STOX2: variants seen among roughly 807,000 people sequenced by gnomAD.
STOX2 encodes storkhead-box protein 2.
Under a neutral mutation model 60.9 loss-of-function variants are expected in STOX2, and 28 were observed. The observed-to-expected ratio is 0.46, with a 90% CI of 0.34 to 0.63. The LOEUF is 0.63. Ranked by LOEUF, STOX2 falls within the 30% of genes least tolerant of loss-of-function variation. STOX2 has a pLI of 0.01. For missense variants in STOX2, 1,024 were observed against 1,187.7 expected, an observed-to-expected ratio of 0.86 and a Z score of 2.03; for synonymous variants, 472 against 463.9, an observed-to-expected ratio of 1.02 and a Z score of -0.22.
rs576743146 is a variant in STOX2 at position 183,994,998 on chromosome 4, C to T, written c.167-6327C>T. ...AGGCTGGTACTTTCCAGGCTGTTTA[C>T]TGTGATGCAGTTTGCCTGGGGAAAT... is the stretch of plus-strand genomic sequence containing the variant. On this transcript the variant is annotated intron_variant, in intron 1 of 3. Transcript: ENST00000308497. 7.9e-5 allele frequency among the ~76,000 whole-genome samples: 12 copies of T among 151,978 alleles called. No homozygotes were observed. In the South Asian group the frequency reaches 2.3e-3, roughly 29 times the overall value.
At chr4:183,913,727 C>A (rs1741852490) in intron 1 of STOX2, among the ~76,000 whole-genome samples, 1 of 152,084 alleles carries the variant, frequency 6.6e-6, no homozygotes, top group South Asian at 2.1e-4. Flanking sequence ...GCTGAGATCG[C>A]CTCACTGCAC....
At chr4:183,823,454 A>G (rs1739350882) in intron 1 of STOX2, among the ~76,000 whole-genome samples, 1 of 152,246 alleles carries the variant, frequency 6.6e-6, no homozygotes, top group Non-Finnish European at 1.5e-5. Flanking sequence ...TGGAGGCAAC[A>G]GCTGGCTGTC....
chr4:183,993,960 A>T (rs567986574), intron 1 of STOX2, among the ~76,000 whole-genome samples: 147 of 152,324 alleles, frequency 9.7e-4, no homozygotes, highest in African/African-American at 3.4e-3. Flanking sequence ...ACAGCTTTTT[A>T]AAAAATACTG....
chr4:183,931,845 G>A (rs1019452365), intron 1 of STOX2, among the ~76,000 whole-genome samples: 9 of 152,226 alleles, frequency 5.9e-5, no homozygotes, highest in African/African-American at 2.2e-4. Context: ...GAATTTGCAT[G>A]CTCTTAAGAA....
At chr4:183,854,767 CAATT>C (rs961437857) in intron 1 of STOX2, among the ~76,000 whole-genome samples, 24 of 152,254 alleles carry the variant, frequency 1.6e-4, no homozygotes, top group Admixed American at 8.5e-4. Flanking sequence ...TTAAAAATGA[CAATT>C]AATGACAGAT....
chr4:183,876,642 A>G (rs1740836036), intron 1 of STOX2, among the ~76,000 whole-genome samples: 1 of 152,180 alleles, frequency 6.6e-6, no homozygotes, highest in Admixed American at 6.5e-5. Flanking sequence ...GTGCCTGCTG[A>G]GCTGTCAGTA....
At chr4:183,892,436 G>A (rs897772596) in intron 1 of STOX2, among the ~76,000 whole-genome samples, 6 of 151,922 alleles carry the variant, frequency 3.9e-5, no homozygotes, top group Admixed American at 6.5e-5. Context: ...CCGCCACCAC[G>A]CCCGGCTAAT....
At chr4:183,989,169 G>GTTTTTT (rs11421201) in intron 1 of STOX2, among the ~76,000 whole-genome samples, 3 of 80,032 alleles carry the variant, frequency 3.7e-5, no homozygotes, top group African/African-American at 5.8e-5. Flanking sequence ...ATTTTTTCTG[G>GTTTTTT]TTTTTTTTTT....
chr4:183,904,105 T>A (rs994070532), upstream of STOX2, among the ~76,000 whole-genome samples: 2 of 152,136 alleles, frequency 1.3e-5, no homozygotes, highest in Non-Finnish European at 2.9e-5. Flanking sequence ...CCAAGCATGG[T>A]TCACAATAGG....
Position 184,010,336 on chromosome 4 carries a change from C to T in STOX2, c.1498C>T (p.Pro500Ser). The change falls in exon 3 of 4, where the codon CCT becomes TCT. Residue 500 changes from proline (P) to serine (S), a missense_variant. Physicochemically the swap from Pro to Ser is moderately conservative, Grantham distance 74. This residue lies in a region of STOX2 where 922 missense variants were observed against 1,058.3 expected (regional missense o/e 0.87). Transcript: ENST00000308497. The surrounding 1 kb of genome is among the most constrained non-coding windows in gnomAD (Gnocchi z 4.5). Reference protein sequence around the residue: ...RSRSMDNSKGPLGASSLGTPE... With the variant: ...RSRSMDNSKGSLGASSLGTPE... Reference sequence around the variant, plus strand: ...CAGGTCGATGGATAACTCCAAAGGCCCTCTGGGTGCTTCTTCTCTAGGGAC... The same window carrying T: ...CAGGTCGATGGATAACTCCAAAGGCTCTCTGGGTGCTTCTTCTCTAGGGAC... 1 of 1,609,118 alleles carries T rather than the reference C, an allele frequency of 6.2e-7. No homozygotes were observed. The highest frequency in any genetic ancestry group is 8.5e-7 in the Non-Finnish European group (1 of 1,177,714).
chr4:183,906,989 C>G (rs1275705495), intron 1 of STOX2, 33 bp downstream of exon 1: 47 of 1,493,316 alleles, frequency 3.1e-5, no homozygotes, highest in Admixed American at 4.4e-5. Context: ...GCCCCCGGGC[C>G]GGGGCCGCGG....
At chr4:183,801,622 G>C (rs7654744) in intron 1 of STOX2, among the ~76,000 whole-genome samples, 1 of 151,960 alleles carries the variant, frequency 6.6e-6, no homozygotes, top group African/African-American at 2.4e-5. Context: ...TGCAGATGGA[G>C]ATGGGGGTGG....
At chr4:183,968,924 A>G (rs1390049556) in intron 1 of STOX2, among the ~76,000 whole-genome samples, 2 of 152,262 alleles carry the variant, frequency 1.3e-5, no homozygotes, top group Non-Finnish European at 2.9e-5. Context: ...TGAAAAGTAC[A>G]TATGACTTTA....
intron 1 of STOX2, among the ~76,000 whole-genome samples, chr4:183,822,720 C>G: frequency 6.6e-6 from 1 of 152,230 alleles, no homozygotes; most frequent in Non-Finnish European, 1.5e-5. Flanking sequence ...CCACTCTCCT[C>G]CTTCTGTGCA....
chr4:183,886,343 C>T (rs568865900), intron 1 of STOX2, among the ~76,000 whole-genome samples: 2 of 112,208 alleles, frequency 1.8e-5, no homozygotes, highest in South Asian at 5.8e-4. Context: ...GATTGCACAA[C>T]AGAAAGGGGG....
intron 1 of STOX2, among the ~76,000 whole-genome samples, chr4:183,932,419 CA>C (rs58581013): frequency 1.5e-5 from 1 of 68,916 alleles, no homozygotes; most frequent in African/African-American, 7.4e-5. Context: ...TGTATACATA[CA>C]GTATATGTAT....
intron 1 of STOX2, among the ~76,000 whole-genome samples, chr4:184,000,157 G>C (rs979262779): frequency 2.0e-5 from 3 of 151,992 alleles, no homozygotes; most frequent in Non-Finnish European, 2.9e-5. Context: ...GAACTTTCCT[G>C]CCCTCCCAGC....
At chr4:183,950,392 A>G (rs1743032450) in intron 1 of STOX2, among the ~76,000 whole-genome samples, 1 of 152,226 alleles carries the variant, frequency 6.6e-6, no homozygotes, top group Admixed American at 6.5e-5. Context: ...GAAATAAAAC[A>G]GGCTGCTAGG....
chr4:183,936,028 G>A (rs1379612164), intron 1 of STOX2, among the ~76,000 whole-genome samples: 1 of 152,162 alleles, frequency 6.6e-6, no homozygotes, highest in African/African-American at 2.4e-5. Context: ...GAGAAAAAGC[G>A]TTACTTCTTT....
Sources: allele counts gnomAD v4.1 joint callset (sites outside exome capture counted in the v4.1 genomes callset), GRCh38; gene constraint gnomAD v4.1.1; regional missense constraint gnomAD v4.1.1; non-coding constraint Gnocchi (gnomAD v3.1); transcripts MANE v1.5; gene names NCBI Gene and HGNC (gene_info 2026-07-23, HGNC 2026-07-21).